SEC14L1: variants seen among roughly 807,000 people sequenced by gnomAD.
SEC14L1 encodes SEC14-like protein 1.
A neutral mutation model predicts 85.3 loss-of-function variants in SEC14L1; 48 were observed. That is an observed-to-expected ratio of 0.56 (90% CI 0.45 to 0.72). The LOEUF is 0.72. Among genes scored for constraint, SEC14L1 ranks in the 30% least tolerant of loss-of-function variants. The pLI is 0.00. For synonymous variants in SEC14L1, 391 were observed against 355.5 expected (o/e 1.10, Z -1.12); for missense variants, 682 against 921.4 (o/e 0.74, Z 3.36).
At position 77,215,485 on chromosome 17, in the gene SEC14L1, G is replaced by A. The variant is rs1976992035; in HGVS notation, c.*1462G>A. 5 of 985,802 alleles carry A rather than the reference G, an allele frequency of 5.1e-6. No homozygotes were observed. Among genetic ancestry groups the A allele is most frequent in the South Asian group, 4.7e-5 (1 of 21,328 alleles). 61.1% of individuals were successfully genotyped at this position (985,802 alleles called of 1,614,324 possible). Reference sequence around the variant, plus strand: ...TCTGAAGGCACTGTGTGGGTGCTGCGTGACTGGAGAGCTGTGTGGAGGCCA... The same window carrying A: ...TCTGAAGGCACTGTGTGGGTGCTGCATGACTGGAGAGCTGTGTGGAGGCCA... On this transcript the variant is annotated 3_prime_UTR_variant, in exon 17 of 17. Transcript: ENST00000436233.
intron 3 of SEC14L1, among the ~76,000 whole-genome samples, chr17:77,189,977 T>C (rs768042088): frequency 1.3e-5 from 2 of 152,214 alleles, no homozygotes; most frequent in African/African-American, 2.4e-5. Context: ...AGGAAGTTCA[T>C]TTTATATATT....
Position 77,206,436 on chromosome 17 carries a change from A to G in SEC14L1, c.1341+36A>G, listed in dbSNP as rs762891700. The G allele has an allele frequency of 8.0e-5, 128 of 1,597,988 alleles. No homozygotes were observed. The highest frequency in any genetic ancestry group is 1.0e-4 in the Non-Finnish European group (120 of 1,168,544). On this transcript the variant is annotated intron_variant, in intron 12 of 16. Transcript: ENST00000436233. This position sits in a 1 kb window ranked among gnomAD's most constrained non-coding sequence, Gnocchi z 4.3. ...ATGCTTTTTGCAGTAACTGTGAGCC[A>G]TTTGGAAAGCAGATAACATGCATTC...
At chr17:77,111,172 C>T (rs1048829625) in intron 3 of SEC14L1, among the ~76,000 whole-genome samples, 2 of 138,152 alleles carry the variant, frequency 1.4e-5, no homozygotes, top group Non-Finnish European at 3.0e-5. Context: ...GGTGACAGAG[C>T]GAGACTCTGT....
chr17:77,155,328 A>C (rs1386501934), intron 3 of SEC14L1, among the ~76,000 whole-genome samples: 1 of 152,030 alleles, frequency 6.6e-6, no homozygotes, highest in Non-Finnish European at 1.5e-5. Flanking sequence ...ACACACCCAC[A>C]CCCACACACC....
intron 2 of SEC14L1, 67 bp downstream of exon 2, chr17:77,142,817 T>G (rs1020706250): frequency 1.3e-5 from 2 of 152,232 alleles, no homozygotes; most frequent in African/African-American, 4.8e-5. Flanking sequence ...AGTCCAGGTG[T>G]GTTTTTAGAG....
At chr17:77,092,946 C>T (rs1465750502) in intron 2 of SEC14L1, among the ~76,000 whole-genome samples, 5 of 127,718 alleles carry the variant, frequency 3.9e-5, no homozygotes, top group Non-Finnish European at 6.6e-5. Context: ...AGTGAAACTC[C>T]GTCTCAAAAA....
intron 3 of SEC14L1, chr17:77,185,354 C>T (rs192644141): frequency 2.0e-6 from 2 of 985,418 alleles, no homozygotes; most frequent in Non-Finnish European, 2.4e-6. Flanking sequence ...GCCTGGATAC[C>T]TTAAATGCCA....
chr17:77,216,614 G>A lies in SEC14L1; in HGVS notation c.*2591G>A. The A allele has an allele frequency of 6.2e-7, 1 of 1,613,212 alleles. No homozygotes were observed. Among genetic ancestry groups the A allele is most frequent in the Non-Finnish European group, 8.5e-7 (1 of 1,179,398 alleles). On this transcript the variant is annotated 3_prime_UTR_variant, in exon 17 of 17. Coordinates refer to ENST00000436233, the MANE Select transcript of SEC14L1 (RefSeq NM_001143998.2). ...CAACAGTCCTCATGTGCCCAGAGATGTTTATAGAACTGTTTGAATTGCAGC... is the reference window on the plus strand; with the variant it reads ...CAACAGTCCTCATGTGCCCAGAGATATTTATAGAACTGTTTGAATTGCAGC...
At chr17:77,114,763 AGGT>A (rs1972129656) in intron 3 of SEC14L1, among the ~76,000 whole-genome samples, 1 of 135,786 alleles carries the variant, frequency 7.4e-6, no homozygotes, top group Non-Finnish European at 1.5e-5. Context: ...TGAACCCAGG[AGGT>A]GGAGGTTGCA....
At chr17:77,097,437 G>A (rs551993557) in intron 3 of SEC14L1, among the ~76,000 whole-genome samples, 2 of 152,274 alleles carry the variant, frequency 1.3e-5, no homozygotes, top group South Asian at 2.1e-4. Flanking sequence ...AGTGGCGCAC[G>A]CCTGTAATCC....
intron 3 of SEC14L1, among the ~76,000 whole-genome samples, chr17:77,125,249 G>A (rs1404975300): frequency 6.6e-6 from 1 of 151,800 alleles, no homozygotes; most frequent in Non-Finnish European, 1.5e-5. Context: ...TGCCCGCCTC[G>A]GCCTCCCAAA....
intron 3 of SEC14L1, among the ~76,000 whole-genome samples, chr17:77,129,816 C>T (rs966951530): frequency 5.9e-5 from 9 of 152,188 alleles, no homozygotes; most frequent in Admixed American, 3.3e-4. Context: ...CCTGTTAGCG[C>T]GACATTCCTT....
chr17:77,133,006 C>T (rs1972661142), intron 3 of SEC14L1, among the ~76,000 whole-genome samples: 1 of 151,958 alleles, frequency 6.6e-6, no homozygotes, highest in African/African-American at 2.4e-5. Context: ...GTAGCTGGGA[C>T]CACAGGTGAG....
At position 77,180,718 on chromosome 17, in the gene SEC14L1, T is replaced by C. The variant is rs113017069; in HGVS notation, c.64-10085T>C. Among the ~76,000 whole-genome samples, 113 of 152,352 alleles carry C rather than the reference T, an allele frequency of 7.4e-4. 1 individual carries two copies. The highest frequency in any genetic ancestry group is 2.6e-3 in the African/African-American group (109 of 41,588). On this transcript the variant is annotated intron_variant, in intron 3 of 16. Coordinates refer to ENST00000436233, the MANE Select transcript of SEC14L1 (RefSeq NM_001143998.2). ...GTTTGCCAGAAGCGGCCTTTGATCC[T>C]AGCTGTGGTTGCTCTGGGCTGTCAG...
chr17:77,192,689 A>AGTCGCTGAAG (rs1975605258), intron 5 of SEC14L1, among the ~76,000 whole-genome samples: 1 of 147,044 alleles, frequency 6.8e-6, no homozygotes, highest in Non-Finnish European at 1.5e-5. Context: ...CAGGGATGGG[A>AGTCGCTGAAG]TCTTGCCCTG....
At chr17:77,110,375 G>A (rs993040035) in intron 3 of SEC14L1, among the ~76,000 whole-genome samples, 1 of 152,162 alleles carries the variant, frequency 6.6e-6, no homozygotes, top group East Asian at 1.9e-4. Flanking sequence ...GTGGCTCTGG[G>A]AATAACTTTG....
chr17:77,094,965 G>T (rs1971605531), intron 3 of SEC14L1: 1 of 152,174 alleles, frequency 6.6e-6, no homozygotes, highest in African/African-American at 2.4e-5. Flanking sequence ...GACATTTCTG[G>T]AATAAACCAC....
At chr17:77,126,119 C>T (rs532743191) in intron 3 of SEC14L1, among the ~76,000 whole-genome samples, 184 of 152,356 alleles carry the variant, frequency 1.2e-3, no homozygotes, top group African/African-American at 4.3e-3. Context: ...CCACTGCACT[C>T]CATCCTGGGT....
Position 77,214,160 on chromosome 17 carries a change from CGTA to C in SEC14L1, c.*140_*142del, listed in dbSNP as rs760525136. 1.4e-6 allele frequency: 2 copies of C among 1,433,800 alleles called. No homozygotes were observed. Among genetic ancestry groups the C allele is most frequent in the African/African-American group, 1.4e-5 (1 of 69,734 alleles). The allele number at this position is 1,433,800 out of a possible 1,614,324, so 88.8% of individuals were successfully genotyped here. A position where few individuals can be genotyped will look rare whatever the true frequency, so the allele number is the denominator to read the frequency against. ...TAGCAAATAGCTCTCAGATGGTAAA[CGTA>C]GTCGTTTGATCCCAAAACTACCTTG... On this transcript the variant is annotated 3_prime_UTR_variant, in exon 17 of 17. Transcript: ENST00000436233.
Sources: gnomAD v4.1 joint callset for allele counts (sites outside exome capture counted in the v4.1 genomes callset) on GRCh38, gnomAD v4.1.1 for gene constraint, Gnocchi (gnomAD v3.1) non-coding constraint, MANE v1.5 for transcripts, NCBI Gene and HGNC (gene_info 2026-07-23, HGNC 2026-07-21) for gene names.